PDE8B: variants seen among roughly 807,000 people sequenced by gnomAD.
PDE8B encodes the protein high affinity cAMP-specific and IBMX-insensitive 3',5'-cyclic phosphodiesterase 8B.
PDE8B carries 26 observed loss-of-function variants against 101.3 expected under a neutral mutation model. The ratio of observed to expected loss-of-function variants is 0.26; its 90% CI spans 0.19 to 0.36. The LOEUF is 0.36. PDE8B is among the 10% of genes least tolerant of loss of function. PDE8B has a pLI of 1.00. For synonymous variants in PDE8B, 424 were observed against 429.3 expected (o/e 0.99, Z 0.15); for missense variants, 810 against 1,163.1 (o/e 0.70, Z 4.42).
chr5:77,337,472 G>A (rs7717046), intron 6 of PDE8B, among the ~76,000 whole-genome samples, 157 bp downstream of exon 6: 71,291 of 152,004 alleles, frequency 0.47, 17,126 homozygotes, highest in Middle Eastern at 0.55. Flanking sequence ...CAGTATCTAA[G>A]CCAGAAGGCC....
At chr5:77,131,010 C>T in the PDE8B span, 3 of 152,284 alleles carry the variant, frequency 2.0e-5, no homozygotes, top group Non-Finnish European at 4.4e-5. Flanking sequence ...GCTCTTCTGC[C>T]TCCTCTCTTT....
chr5:77,391,941 T>C (rs1427725863), intron 10 of PDE8B, among the ~76,000 whole-genome samples: 1 of 152,244 alleles, frequency 6.6e-6, no homozygotes, highest in East Asian at 1.9e-4. Context: ...TTTATTCATT[T>C]GGTATCATAT....
rs532106039 is a variant in PDE8B at position 77,290,770 on chromosome 5, TC to T, written c.340-21221del. 455 of 1,483,524 alleles carry T rather than the reference TC, an allele frequency of 3.1e-4. 6 individuals carry two copies. In the South Asian group the frequency reaches 4.8e-3, roughly 16 times the overall value. 91.9% of individuals were successfully genotyped at this position (1,483,524 alleles called of 1,614,324 possible). ...GTTGGAATCATCACGGCATTCAATT[TC>T]CCTGTGGCAGTGTATGGTTGGAACA... On this transcript the variant is annotated intron_variant, in intron 1 of 21. Transcript: ENST00000264917.
At position 77,281,775 on chromosome 5, in the gene PDE8B, T is replaced by A. The variant is rs11957189; in HGVS notation, c.340-30219T>A. 5.7e-3 allele frequency among the ~76,000 whole-genome samples: 867 copies of A among 152,266 alleles called. 12 individuals are homozygous for A. Among genetic ancestry groups the A allele is most frequent in the African/African-American group, 0.02 (826 of 41,544 alleles). On this transcript the variant is annotated intron_variant, in intron 1 of 21. Transcript: ENST00000264917. ...TCCAGGGATCAGGACCTGGATCTCT[T>A]TGGAGGGTATTATTCAGCCTACCAC...
intron 12 of PDE8B, among the ~76,000 whole-genome samples, chr5:77,406,933 C>T (rs549935338): frequency 1.8e-4 from 27 of 152,304 alleles, no homozygotes; most frequent in African/African-American, 6.0e-4. Context: ...CTCAATCCTC[C>T]GCCCTGACCC....
At chr5:77,107,171 G>A in the PDE8B span, among the ~76,000 whole-genome samples, 7 of 152,148 alleles carry the variant, frequency 4.6e-5, no homozygotes, top group Middle Eastern at 3.4e-3. Flanking sequence ...CTGTCCTTGC[G>A]ATAGTTTGCT....
At chr5:77,403,066 C>A (rs917222881) in intron 11 of PDE8B, among the ~76,000 whole-genome samples, 1 of 152,184 alleles carries the variant, frequency 6.6e-6, no homozygotes, top group African/African-American at 2.4e-5. Flanking sequence ...TTAAATTTCT[C>A]TACTCGCTTA....
intron 4 of PDE8B, among the ~76,000 whole-genome samples, chr5:77,330,321 G>A (rs1428800864): frequency 6.6e-6 from 1 of 152,154 alleles, no homozygotes; most frequent in African/African-American, 2.4e-5. Flanking sequence ...TGGCAAAAAG[G>A]TTTGCTAGTC....
chr5:77,335,564 T>TGAGA (rs67371569), intron 5 of PDE8B, among the ~76,000 whole-genome samples: 83 of 99,964 alleles, frequency 8.3e-4, no homozygotes, highest in Middle Eastern at 5.7e-3. Context: ...TGTGTGTGTG[T>TGAGA]GAGAGAGAGA....
intron 1 of PDE8B, among the ~76,000 whole-genome samples, chr5:77,275,983 GAATT>G (rs1763784940): frequency 6.6e-6 from 1 of 152,122 alleles, no homozygotes; most frequent in South Asian, 2.1e-4. Flanking sequence ...CCTTTATACT[GAATT>G]AATTATGTAA....
chr5:77,181,372 GT>G, the PDE8B span, among the ~76,000 whole-genome samples: 2 of 152,178 alleles, frequency 1.3e-5, no homozygotes, highest in Non-Finnish European at 2.9e-5. Context: ...ACTTGGGGGC[GT>G]TCCGCTAGGC....
At chr5:77,315,139 C>A (rs1348653695) in intron 2 of PDE8B, among the ~76,000 whole-genome samples, 1 of 152,106 alleles carries the variant, frequency 6.6e-6, no homozygotes, top group Non-Finnish European at 1.5e-5. Flanking sequence ...ATTTTCATAA[C>A]TCTGGCTTTT....
chr5:77,358,988 C>T (rs911040846), intron 10 of PDE8B, among the ~76,000 whole-genome samples: 19 of 152,154 alleles, frequency 1.2e-4, no homozygotes, highest in African/African-American at 4.6e-4. Context: ...TAAAGAAAGG[C>T]CTCTGATATT....
At chr5:77,147,112 GC>G in the PDE8B span, 1 of 355,566 alleles carries the variant, frequency 2.8e-6, no homozygotes, top group Admixed American at 3.6e-5. Context: ...GCTAAAAAAA[GC>G]AAAAAAAGGA....
chr5:77,251,983 A>G (rs1425944798), intron 1 of PDE8B, among the ~76,000 whole-genome samples: 1 of 152,158 alleles, frequency 6.6e-6, no homozygotes, highest in Non-Finnish European at 1.5e-5. Flanking sequence ...TAATTTCAGT[A>G]TTCGAAGGCA....
the PDE8B span, among the ~76,000 whole-genome samples, chr5:77,170,041 T>C: frequency 6.6e-6 from 1 of 152,204 alleles, no homozygotes; most frequent in Non-Finnish European, 1.5e-5. Flanking sequence ...AAAGGATTAA[T>C]GTGGAGGTTA....
chr5:77,196,369 G>A, the PDE8B span, among the ~76,000 whole-genome samples: 3 of 152,192 alleles, frequency 2.0e-5, no homozygotes, highest in Non-Finnish European at 2.9e-5. Flanking sequence ...ATGAAAATTT[G>A]TTCCTGTGTT....
chr5:77,407,214 G>C (rs1303962666), intron 12 of PDE8B, among the ~76,000 whole-genome samples, 167 bp from the exon 13 acceptor site: 1 of 152,196 alleles, frequency 6.6e-6, no homozygotes, highest in Non-Finnish European at 1.5e-5. Flanking sequence ...CAGGCAAGTA[G>C]CAGTTGGGCT....
intron 10 of PDE8B, among the ~76,000 whole-genome samples, chr5:77,393,282 T>C (rs1790324037): frequency 6.6e-6 from 1 of 152,012 alleles, no homozygotes; most frequent in Non-Finnish European, 1.5e-5. Context: ...TAATCCCAGC[T>C]ACTCGGGTGG....
Sources: gnomAD v4.1 joint callset for allele counts (sites outside exome capture counted in the v4.1 genomes callset) on GRCh38, gnomAD v4.1.1 for gene constraint, MANE v1.5 for transcripts, NCBI Gene and HGNC (gene_info 2026-07-23, HGNC 2026-07-21) for gene names.